ZFHX4: variants seen among roughly 807,000 people sequenced by gnomAD.
The protein encoded by ZFHX4 is zinc finger homeobox 4.
Under a neutral mutation model 267.6 loss-of-function variants are expected in ZFHX4, and 56 were observed. The observed-to-expected ratio is 0.21, with a 90% CI of 0.17 to 0.26. The LOEUF (loss-of-function observed/expected upper bound fraction) is 0.26. Ranked by LOEUF, ZFHX4 falls within the 10% of genes least tolerant of loss-of-function variation. ZFHX4 has a pLI of 1.00. For missense variants in ZFHX4, 4,332 were observed against 4,420.0 expected (o/e 0.98, Z 0.56); for synonymous variants, 1,778 against 1,665.6 (o/e 1.07, Z -1.64).
At chr8:76,766,861 AC>A (rs1810064004) in intron 3 of ZFHX4, among the ~76,000 whole-genome samples, 1 of 131,438 alleles carries the variant, frequency 7.6e-6, no homozygotes, top group African/African-American at 3.8e-5. Context: ...AGAAAATGGA[AC>A]CTGTGCTTTT....
In ZFHX4 at chr8:76,851,085, T is replaced by G. The variant is rs1812505886; in HGVS notation, c.4164T>G (p.Ser1388=). Residue 1388 remains serine, a synonymous_variant, in exon 10 of 11, where the codon TCT becomes TCG. Transcript: ENST00000651372. ...LNEQQKRQPL[S]VSDRHVYKYR... ...AACAGCAAAAAAGGCAACCGCTCTC[T>G]GTTTCTGACCGTCATGTCTACAAGT... 2 of 1,614,022 alleles carry G rather than the reference T, an allele frequency of 1.2e-6. No individual in the cohort carries two copies. The highest frequency in any genetic ancestry group is 1.7e-5 in the Admixed American group (1 of 60,030).
intron 1 of ZFHX4, among the ~76,000 whole-genome samples, chr8:76,682,891 C>T (rs1381361467): frequency 2.0e-5 from 3 of 152,100 alleles, no homozygotes; most frequent in Non-Finnish European, 4.4e-5. Context: ...TCTATCCACC[C>T]CCAACCCCCT....
chr8:76,789,184 G>A (rs1187821252), intron 4 of ZFHX4, among the ~76,000 whole-genome samples: 2 of 152,178 alleles, frequency 1.3e-5, no homozygotes, highest in Non-Finnish European at 2.9e-5. Context: ...ACTCCTGGAT[G>A]AGTAGGAATT....
chr8:76,754,497 A>T (rs983818734), intron 3 of ZFHX4, among the ~76,000 whole-genome samples: 1 of 80,220 alleles, frequency 1.2e-5, no homozygotes, highest in Non-Finnish European at 2.1e-5. Context: ...TCAAAAAAAC[A>T]AAACAAAAAA....
intron 3 of ZFHX4, among the ~76,000 whole-genome samples, chr8:76,761,933 A>G (rs1809924695): frequency 6.6e-6 from 1 of 152,186 alleles, no homozygotes. Context: ...GCTTAGTACT[A>G]CTATCACTGG....
intron 1 of ZFHX4, among the ~76,000 whole-genome samples, chr8:76,697,605 C>T (rs1807992415): frequency 6.6e-6 from 1 of 151,900 alleles, no homozygotes; most frequent in South Asian, 2.1e-4. Context: ...GTTAAAGCTT[C>T]ATGTTTAGCA....
intron 4 of ZFHX4, among the ~76,000 whole-genome samples, chr8:76,797,005 C>T (rs1008429366): frequency 6.6e-6 from 1 of 152,132 alleles, no homozygotes; most frequent in African/African-American, 2.4e-5. Context: ...TAACGTAAAG[C>T]GACCATATCT....
chr8:76,841,689 C>G (rs1812236519), intron 5 of ZFHX4, among the ~76,000 whole-genome samples: 1 of 152,072 alleles, frequency 6.6e-6, no homozygotes, highest in South Asian at 2.1e-4. Context: ...CCTTCTTATC[C>G]TAATTTATGT....
At chr8:76,841,057 T>C (rs776863720) in intron 5 of ZFHX4, among the ~76,000 whole-genome samples, 6 of 152,194 alleles carry the variant, frequency 3.9e-5, no homozygotes, top group Non-Finnish European at 7.3e-5. Flanking sequence ...CCTCAGATGA[T>C]TGACCCCCTA....
In ZFHX4 at chr8:76,850,937, C is replaced by G. The variant is rs1045366690; in HGVS notation, c.4016C>G (p.Ala1339Gly). The change falls in exon 10 of 11, where the codon GCT becomes GGT. Residue 1339 changes from alanine to glycine, a missense_variant. Physicochemically the swap from Ala to Gly is moderately conservative, Grantham distance 60 (BLOSUM62 0). Coordinates refer to ENST00000651372, the MANE Select transcript of ZFHX4 (RefSeq NM_024721.5). ...KSMAGLEDSKANVEVKNEEQK... is the reference protein window; with the variant it reads ...KSMAGLEDSKGNVEVKNEEQK... ...ATGGCAGGTCTCGAGGATTCAAAGG[C>G]TAATGTGGAAGTAAAGAATGAGGAG... 1 of 1,612,958 alleles carries G rather than the reference C, an allele frequency of 6.2e-7. No individual in the cohort carries two copies. The highest frequency in any genetic ancestry group is 8.5e-7 in the Non-Finnish European group (1 of 1,179,458).
rs754367335 is a variant in ZFHX4 at position 76,855,427 on chromosome 8, G to C, written c.8506G>C (p.Ala2836Pro). ...TTGSSGDVKPALSPKEPKTLD... is the reference protein window; with the variant it reads ...TTGSSGDVKPPLSPKEPKTLD... ...AGGAAGTTCCGGAGATGTGAAACCG[G>C]CTTTGTCTCCCAAAGAGCCAAAAAC... The change falls in exon 10 of 11, where the codon GCT becomes CCT. Residue 2836 changes from alanine (A) to proline (P), a missense_variant. By Grantham distance (27) the Ala-to-Pro change is conservative. Around this residue, in one of 7 missense-constraint regions of ZFHX4, gnomAD observed 1,648 missense variants for 1,625.0 expected, o/e 1.01. Coordinates refer to ENST00000651372, the MANE Select transcript of ZFHX4 (RefSeq NM_024721.5). 6.2e-7 allele frequency: 1 copy of C among 1,613,452 alleles called. No homozygotes were observed. The highest frequency in any genetic ancestry group is 2.2e-5 in the East Asian group (1 of 44,808).
At chr8:76,759,383 C>T (rs934830079) in intron 3 of ZFHX4, among the ~76,000 whole-genome samples, 2 of 152,162 alleles carry the variant, frequency 1.3e-5, no homozygotes, top group Non-Finnish European at 2.9e-5. Flanking sequence ...TAATTCCTCC[C>T]GGGTGGGATA....
At chr8:76,787,424 T>C (rs1301524319) in intron 4 of ZFHX4, among the ~76,000 whole-genome samples, 3 of 151,644 alleles carry the variant, frequency 2.0e-5, no homozygotes, top group Non-Finnish European at 4.4e-5. Flanking sequence ...AGGCTCTGAG[T>C]TTCAAAACCA....
chr8:76,795,053 C>G (rs540050024), intron 4 of ZFHX4, among the ~76,000 whole-genome samples: 3 of 152,184 alleles, frequency 2.0e-5, no homozygotes, highest in Admixed American at 2.0e-4. Context: ...ATATAAGCAG[C>G]CTTTTCAAGT....
chr8:76,702,235 G>A (rs1382624940), intron 1 of ZFHX4, among the ~76,000 whole-genome samples: 1 of 152,100 alleles, frequency 6.6e-6, no homozygotes, highest in Non-Finnish European at 1.5e-5. Context: ...TTTGATTTGT[G>A]AGCAATTAGA....
chr8:76,705,889 C>T lies in ZFHX4; in HGVS notation c.1801C>T (p.Pro601Ser), dbSNP rs1808251233. Residue 601 changes from proline to serine, a missense_variant, in exon 2 of 11, where the codon CCA (proline) becomes TCA (serine). Pro to Ser is a moderately conservative substitution (Grantham distance 74, BLOSUM62 -1). Transcript: ENST00000651372. Reference sequence around the variant, plus strand: ...CTTTACCCCGAGTACTCCTGGCACACCAGGGCCTGGAGGAGACGGCTCACC... The same window carrying T: ...CTTTACCCCGAGTACTCCTGGCACATCAGGGCCTGGAGGAGACGGCTCACC... ...HGFTPSTPGT[P>S]GPGGDGSPGS... The T allele has an allele frequency of 6.2e-7, 1 of 1,613,642 alleles. No individual in the cohort carries two copies. Among genetic ancestry groups the T allele is most frequent in the South Asian group, 1.1e-5 (1 of 91,068 alleles).
At position 76,852,283 on chromosome 8, in the gene ZFHX4, G is replaced by A. The variant is rs200415399; in HGVS notation, c.5362G>A (p.Val1788Ile). The change falls in exon 10 of 11, where the codon GTT becomes ATT. Residue 1788 changes from valine to isoleucine, a missense_variant. Val to Ile is a conservative substitution (Grantham distance 29). Transcript: ENST00000651372. ...GCAGCAGATTCAAACCCAACATCAC[G>A]TTGGTCAAACTCAACTCCAGATACT... ...LKQQIQTQHHVGQTQLQILQQ... is the reference protein window; with the variant it reads ...LKQQIQTQHHIGQTQLQILQQ... 2.3e-4 allele frequency: 360 copies of A among 1,572,862 alleles called. 2 individuals are homozygous for A. The highest frequency in any genetic ancestry group is 1.7e-3 in the Middle Eastern group (10 of 6,038).
intron 4 of ZFHX4, among the ~76,000 whole-genome samples, chr8:76,815,278 C>T (rs897052690): frequency 6.6e-6 from 1 of 152,248 alleles, no homozygotes; most frequent in African/African-American, 2.4e-5. Flanking sequence ...ACTAAGCTCA[C>T]TGTCTTAGTC....
chr8:76,687,987 A>C (rs1055994589), intron 1 of ZFHX4, among the ~76,000 whole-genome samples: 1 of 152,194 alleles, frequency 6.6e-6, no homozygotes, highest in African/African-American at 2.4e-5. Flanking sequence ...TTTGTCCAAG[A>C]CTTGAGAAAA....
Sources: gnomAD v4.1 joint callset for allele counts (sites outside exome capture counted in the v4.1 genomes callset) on GRCh38, gnomAD v4.1.1 for gene constraint, gnomAD v4.1.1 regional missense constraint, MANE v1.5 for transcripts, NCBI Gene and HGNC (gene_info 2026-07-23, HGNC 2026-07-21) for gene names.